Variants in ATP2A3 observed in about 807,000 individuals in gnomAD.
The protein encoded by ATP2A3 is sarcoplasmic/endoplasmic reticulum calcium ATPase 3.
ATP2A3 carries 61 observed loss-of-function variants against 106.8 expected under a neutral mutation model. The observed-to-expected ratio is 0.57, with a 90% CI of 0.46 to 0.71. The LOEUF (loss-of-function observed/expected upper bound fraction) is 0.71. Among genes scored for constraint, ATP2A3 ranks in the 30% least tolerant of loss-of-function variants. The pLI is 0.00. For synonymous variants in ATP2A3, 611 were observed against 609.3 expected (o/e 1.00, Z -0.04); for missense variants, 1,201 against 1,423.5 (o/e 0.84, Z 2.52).
rs894718602 is a variant in ATP2A3 at position 3,936,986 on chromosome 17, C to G, written c.2321+430G>C. The G allele has an allele frequency of 3.0e-6, 1 of 329,528 alleles. No homozygotes were observed. The highest frequency in any genetic ancestry group is 5.9e-6 in the Non-Finnish European group (1 of 169,498). The allele number at this position is 329,528 out of a possible 1,614,324, so 20.4% of individuals were successfully genotyped here. ...GCACAAATCCTTCTGCTTGTACTCA[C>G]GCTCAAAATGCACCAGAGCACACAT... On this transcript the variant is annotated intron_variant, in intron 15 of 20. Coordinates refer to ENST00000397041, the MANE Select transcript of ATP2A3 (RefSeq NM_005173.4). This position sits in a 1 kb window ranked among gnomAD's most constrained non-coding sequence, Gnocchi z 5.4.
rs370132761 is a variant in ATP2A3 at position 3,951,287 on chromosome 17, G to A, written c.427C>T (p.Arg143Trp). The A allele has an allele frequency of 8.4e-5, 136 of 1,613,786 alleles. No homozygotes were observed. Among genetic ancestry groups the A allele is most frequent in the African/African-American group, 7.3e-4 (55 of 75,066 alleles). Residue 143 changes from arginine (R) to tryptophan (W), a missense_variant, in exon 5 of 21, where the codon CGG becomes TGG. This residue lies in a region of ATP2A3 where 266 missense variants were observed against 246.8 expected (regional missense o/e 1.08). Coordinates refer to ENST00000397041, the MANE Select transcript of ATP2A3 (RefSeq NM_005173.4). ...DRKGVQRIRA[R>W]DIVPGDIVEV... The stretch of plus-strand genomic sequence containing the variant: ...ACAATGTCCCCTGGGACGATGTCCC[G>A]GGCACGGATCCTCTGCACGCCCTTG...
At position 3,924,828 on chromosome 17, in the gene ATP2A3, G is replaced by A. The variant is rs866316001; in HGVS notation, c.*594C>T. On this transcript the variant is annotated 3_prime_UTR_variant, in exon 21 of 21. Coordinates refer to ENST00000397041, the MANE Select transcript of ATP2A3 (RefSeq NM_005173.4). The surrounding 1 kb of genome is among the most constrained non-coding windows in gnomAD (Gnocchi z 6.4). ...TGCACATATAAACAGAAGCAGCCTC[G>A]AGCTCTCGGGAGCCGACTTTGTGGA... The A allele has an allele frequency of 1.5e-5, 7 of 456,704 alleles. No homozygotes were observed. The highest frequency in any genetic ancestry group is 7.0e-5 in the East Asian group (1 of 14,386). 28.3% of individuals were successfully genotyped at this position (456,704 alleles called of 1,614,324 possible).
intron 1 of ATP2A3, 26 bp downstream of exon 1, chr17:3,964,148 C>G (rs1164043347): frequency 5.4e-6 from 6 of 1,103,456 alleles, no homozygotes; most frequent in African/African-American, 1.7e-5. Flanking sequence ...CCCCGCTCCC[C>G]GGCCCGGCCC....
chr17:3,937,912 G>A (rs868753016), intron 14 of ATP2A3, among the ~76,000 whole-genome samples: 14 of 152,292 alleles, frequency 9.2e-5, no homozygotes, highest in Middle Eastern at 3.4e-3. Context: ...GTGAGTCAGC[G>A]ATGAGGGTAG....
chr17:3,940,544 G>A, intron 14 of ATP2A3, among the ~76,000 whole-genome samples: 1 of 152,176 alleles, frequency 6.6e-6, no homozygotes, highest in East Asian at 1.9e-4. Context: ...GTCTCACTCT[G>A]TCACCCAGGC....
rs768791293 is a variant in ATP2A3 at position 3,928,243 on chromosome 17, G to T, written c.2980+420C>A. The T allele has an allele frequency of 5.0e-6, 8 of 1,613,626 alleles. No individual in the cohort carries two copies. The South Asian group carries it at 8.8e-5, about 18-fold the overall frequency. On this transcript the variant is annotated intron_variant, in intron 20 of 20. Coordinates refer to ENST00000397041, the MANE Select transcript of ATP2A3 (RefSeq NM_005173.4). This position sits in a 1 kb window ranked among gnomAD's most constrained non-coding sequence, Gnocchi z 6.1. Reference sequence around the variant, plus strand: ...AGGTGATACCAAAGAGGCCAACCCGGTGTGGTCTGGGGTCCAAGAGGTGGT... The same window carrying T: ...AGGTGATACCAAAGAGGCCAACCCGTTGTGGTCTGGGGTCCAAGAGGTGGT...
intron 7 of ATP2A3, among the ~76,000 whole-genome samples, chr17:3,948,524 C>T (rs566930947): frequency 7.0e-4 from 106 of 152,312 alleles, no homozygotes; most frequent in Non-Finnish European, 1.3e-3. Context: ...ACATGCAGGG[C>T]CCAGCCAGAC....
chr17:3,929,452 G>A lies in ATP2A3; in HGVS notation c.2745-7C>T. ...CGACTGGTTCTCCGAGACGCTGCCA[G>A]GGCACAGGGTGCTCCCCTTAGGCCG... On this transcript the variant is annotated splice_polypyrimidine_tract_variant and splice_region_variant and intron_variant, in intron 18 of 20. Transcript: ENST00000397041. This position sits in a 1 kb window ranked among gnomAD's most constrained non-coding sequence, Gnocchi z 4.3. 1 of 1,587,762 alleles carries A rather than the reference G, an allele frequency of 6.3e-7. No individual in the cohort carries two copies. Among genetic ancestry groups the A allele is most frequent in the Non-Finnish European group, 8.6e-7 (1 of 1,168,226 alleles).
chr17:3,937,703 C>T (rs1597599659), intron 14 of ATP2A3, 67 bp from the exon 15 acceptor site: 3 of 1,480,552 alleles, frequency 2.0e-6, no homozygotes, highest in East Asian at 2.3e-5. Flanking sequence ...CTCTTCTCAA[C>T]TCAGCCCACC....
At position 3,924,465 on chromosome 17, in the gene ATP2A3, G is replaced by A; in HGVS notation, c.*957C>T. On this transcript the variant is annotated 3_prime_UTR_variant, in exon 21 of 21. Coordinates refer to ENST00000397041, the MANE Select transcript of ATP2A3 (RefSeq NM_005173.4). This position sits in a 1 kb window ranked among gnomAD's most constrained non-coding sequence, Gnocchi z 6.4. ...AGGAGTGAGGCCAAGAGTCCAGGAA[G>A]CCCACCAGGCTCAGAGGCCCCCAGC... 3.7e-6 allele frequency: 1 copy of A among 269,662 alleles called. No individual in the cohort carries two copies. Among genetic ancestry groups the A allele is most frequent in the Non-Finnish European group, 7.5e-6 (1 of 134,062 alleles). The allele number at this position is 269,662 out of a possible 1,614,324, so 16.7% of individuals were successfully genotyped here.
chr17:3,956,768 T>C (rs1033493471), intron 1 of ATP2A3, among the ~76,000 whole-genome samples: 6 of 152,106 alleles, frequency 3.9e-5, no homozygotes, highest in African/African-American at 1.4e-4. Flanking sequence ...TTGGAGGCGA[T>C]TGCTGCAGTA....
At position 3,955,266 on chromosome 17, in the gene ATP2A3, G is replaced by A. The variant is rs769105550; in HGVS notation, c.119-1556C>T. ...TGGTCCACCTGTTTTTGGCCTACAG[G>A]CATTTTTTTTTCCTACGGGAGCCCT... On this transcript the variant is annotated intron_variant, in intron 1 of 20. Coordinates refer to ENST00000397041, the MANE Select transcript of ATP2A3 (RefSeq NM_005173.4). This position sits in a 1 kb window ranked among gnomAD's most constrained non-coding sequence, Gnocchi z 4.2. 1.3e-5 allele frequency among the ~76,000 whole-genome samples: 2 copies of A among 152,154 alleles called. No homozygotes were observed. Among genetic ancestry groups the A allele is most frequent in the Non-Finnish European group, 1.5e-5 (1 of 68,026 alleles).
At chr17:3,927,487 G>C in intron 20 of ATP2A3, 2 of 985,450 alleles carry the variant, frequency 2.0e-6, no homozygotes, top group Non-Finnish European at 2.4e-6. Flanking sequence ...GCAGGTGAGT[G>C]AGTGTGGTCA....
intron 1 of ATP2A3, among the ~76,000 whole-genome samples, chr17:3,958,725 T>C (rs936669980): frequency 6.1e-5 from 7 of 114,104 alleles, no homozygotes; most frequent in African/African-American, 3.1e-4. Context: ...TATACACATA[T>C]ATATACACAT....
chr17:3,951,464 G>C (rs1391130802), intron 4 of ATP2A3, 75 bp from the exon 5 acceptor site: 5 of 1,608,254 alleles, frequency 3.1e-6, no homozygotes, highest in Non-Finnish European at 4.2e-6. Flanking sequence ...TGACTCCTCT[G>C]GGGCCTGGGA....
At position 3,928,563 on chromosome 17, in the gene ATP2A3, CAG is replaced by C. The variant is rs2052848954; in HGVS notation, c.2980+98_2980+99del. The C allele has an allele frequency of 2.6e-6, 3 of 1,157,626 alleles. No homozygotes were observed. The highest frequency in any genetic ancestry group is 4.0e-5 in the Admixed American group (2 of 50,258). The allele number at this position is 1,157,626 out of a possible 1,614,324, so 71.7% of individuals were successfully genotyped here. A position where few individuals can be genotyped will look rare whatever the true frequency, so the allele number is the denominator to read the frequency against. On this transcript the variant is annotated intron_variant, in intron 20 of 20. Coordinates refer to ENST00000397041, the MANE Select transcript of ATP2A3 (RefSeq NM_005173.4). The surrounding 1 kb of genome is among the most constrained non-coding windows in gnomAD (Gnocchi z 6.1). ...CGAGAACGCCTCCCCGATGTGCAGA[CAG>C]AGAGGCTCTGCGCTCCACACCCACA...
chr17:3,958,887 C>CACACACATAT (rs1354215003), intron 1 of ATP2A3, among the ~76,000 whole-genome samples: 28 of 99,910 alleles, frequency 2.8e-4, no homozygotes, highest in African/African-American at 1.2e-3. Flanking sequence ...CACACACACA[C>CACACACATAT]ATATATATAT....
At chr17:3,963,045 G>A (rs560138958) in intron 1 of ATP2A3, among the ~76,000 whole-genome samples, 11 of 152,322 alleles carry the variant, frequency 7.2e-5, no homozygotes, top group African/African-American at 2.6e-4. Flanking sequence ...TTTTGAAAAA[G>A]GATTTCTGCT....
Position 3,945,072 on chromosome 17 carries a change from G to T in ATP2A3, c.1172C>A (p.Pro391His). 1 of 1,545,024 alleles carries T rather than the reference G, an allele frequency of 6.5e-7. No homozygotes were observed. The highest frequency in any genetic ancestry group is 8.7e-7 in the Non-Finnish European group (1 of 1,144,452). ...GCCCCGCACTCACACTTCGCCCTCG[G>T]GGGTATACGTGGTACCCGAGATGGT... Reference protein sequence around the residue: ...EFTISGTTYTPEGEVRQGDQP... With the variant: ...EFTISGTTYTHEGEVRQGDQP... Residue 391 changes from proline to histidine, a missense_variant, in exon 9 of 21, where the codon CCC (proline) becomes CAC (histidine). By Grantham distance (77) the Pro-to-His change is moderately conservative. This residue lies in a region of ATP2A3 where 935 missense variants were observed against 1,176.7 expected (regional missense o/e 0.79). Transcript: ENST00000397041.
Sources: gnomAD v4.1 joint callset for allele counts (sites outside exome capture counted in the v4.1 genomes callset) on GRCh38, gnomAD v4.1.1 for gene constraint, gnomAD v4.1.1 regional missense constraint, Gnocchi (gnomAD v3.1) non-coding constraint, MANE v1.5 for transcripts, NCBI Gene and HGNC (gene_info 2026-07-23, HGNC 2026-07-21) for gene names.